SLC3A1: variants seen among roughly 807,000 people sequenced by gnomAD.
SLC3A1 encodes amino acid transporter heavy chain SLC3A1.
A neutral mutation model predicts 60.3 loss-of-function variants in SLC3A1; 78 were observed. The ratio of observed to expected loss-of-function variants is 1.29; its 90% CI spans 1.08 to 1.56. The LOEUF is 1.56. Among genes scored for constraint, SLC3A1 ranks in the 40% most tolerant of loss-of-function variants. The pLI is 0.00. For missense variants in SLC3A1, 1,172 were observed against 858.9 expected, an observed-to-expected ratio of 1.36 and a Z score of -4.56; for synonymous variants, 392 against 307.9, an observed-to-expected ratio of 1.27 and a Z score of -2.86.
rs547490151 is a variant in SLC3A1 at position 44,280,746 on chromosome 2, C to T, written c.461C>T (p.Ala154Val). 1 of 1,609,752 alleles carries T rather than the reference C, an allele frequency of 6.2e-7. No individual in the cohort carries two copies. Among genetic ancestry groups the T allele is most frequent in the East Asian group, 2.2e-5 (1 of 44,826 alleles). Residue 154 changes from alanine (A) to valine (V), a missense_variant, in exon 2 of 10, where the codon GCT (alanine) becomes GTT (valine). By Grantham distance (64) the Ala-to-Val change is moderately conservative (BLOSUM62 0). Coordinates refer to ENST00000260649, the MANE Select transcript of SLC3A1 (RefSeq NM_000341.4). Reference sequence around the variant, plus strand: ...CAAGATAAACTGGACTACATCACAGCTTTAAATATAAAAACTGTTTGGATT... The same window carrying T: ...CAAGATAAACTGGACTACATCACAGTTTTAAATATAAAAACTGTTTGGATT... ...GIQDKLDYIT[A>V]LNIKTVWITS...
At position 44,312,570 on chromosome 2, in the gene SLC3A1, AAT is replaced by A. The variant is rs757417071; in HGVS notation, c.1333-13_1333-12del. The A allele has an allele frequency of 1.2e-6, 2 of 1,613,622 alleles. No individual in the cohort carries two copies. The highest frequency in any genetic ancestry group is 4.5e-5 in the East Asian group (2 of 44,882). Reference sequence around the variant, plus strand: ...CTGTGTATACAGCTGTGTTCTTAAAAATATCTGCCTTTCAGATTGGTGGACCA... The same window carrying A: ...CTGTGTATACAGCTGTGTTCTTAAAAATCTGCCTTTCAGATTGGTGGACCA... On this transcript the variant is annotated splice_polypyrimidine_tract_variant and intron_variant, in intron 7 of 9. Transcript: ENST00000260649.
At chr2:44,297,121 C>A (rs1222975908) in intron 4 of SLC3A1, among the ~76,000 whole-genome samples, 1 of 152,174 alleles carries the variant, frequency 6.6e-6, no homozygotes, top group East Asian at 1.9e-4. Context: ...GGCTCTGTTT[C>A]CCTCCATAGG....
chr2:44,280,691 T>A (rs779003204), intron 1 of SLC3A1, 25 bp from the exon 2 acceptor site: 7 of 1,547,186 alleles, frequency 4.5e-6, no homozygotes, highest in Non-Finnish European at 6.2e-6. Flanking sequence ...TAGGGTTTAT[T>A]CATGACTTTG....
intron 7 of SLC3A1, among the ~76,000 whole-genome samples, chr2:44,310,953 C>G (rs1672281109): frequency 6.6e-6 from 1 of 152,128 alleles, no homozygotes; most frequent in African/African-American, 2.4e-5. Context: ...TGCCACCATG[C>G]CTGGCTAAAT....
chr2:44,279,751 C>G (rs991397141), intron 1 of SLC3A1, among the ~76,000 whole-genome samples: 1 of 151,584 alleles, frequency 6.6e-6, no homozygotes, highest in African/African-American at 2.4e-5. Context: ...TATTTTAAGA[C>G]GGGGTTTTAT....
chr2:44,299,407 C>G (rs1385287786), intron 4 of SLC3A1, among the ~76,000 whole-genome samples: 1 of 152,204 alleles, frequency 6.6e-6, no homozygotes, highest in African/African-American at 2.4e-5. Context: ...ACAGGATCGT[C>G]ACTATTCTTA....
chr2:44,275,676 C>T lies in SLC3A1; in HGVS notation c.141C>T (p.Ser47=), dbSNP rs760804638. The change falls in exon 1 of 10, where the codon AGC becomes AGT. Residue 47 remains serine, a synonymous_variant. Coordinates refer to ENST00000260649, the MANE Select transcript of SLC3A1 (RefSeq NM_000341.4). ...GCTCAACAGACAACCTGAAGCACAG[C>T]ACCAGGGGCATCCTTGGCTCCCAGG... ...PGSSTDNLKH[S]TRGILGSQEP... 1.9e-6 allele frequency: 3 copies of T among 1,614,206 alleles called. No individual in the cohort carries two copies. The highest frequency in any genetic ancestry group is 1.7e-6 in the Non-Finnish European group (2 of 1,180,020).
intron 4 of SLC3A1, among the ~76,000 whole-genome samples, chr2:44,297,692 C>T (rs943852411): frequency 6.6e-6 from 1 of 152,184 alleles, no homozygotes; most frequent in South Asian, 2.1e-4. Flanking sequence ...GTCATTCTTT[C>T]ATGCTACAAT....
Position 44,321,256 on chromosome 2 carries a change from T to G in SLC3A1, c.*617T>G, listed in dbSNP as rs941412015. The stretch of plus-strand genomic sequence containing the variant: ...AGCACATTTTAAAAAATTAATAACT[T>G]AAAAGTCTCAAGTTATTAATTTTTT... On this transcript the variant is annotated 3_prime_UTR_variant, in exon 10 of 10. Transcript: ENST00000260649. 1.1e-5 allele frequency: 12 copies of G among 1,052,924 alleles called. No homozygotes were observed. Among genetic ancestry groups the G allele is most frequent in the Non-Finnish European group, 1.7e-5 (12 of 723,936 alleles). The allele number at this position is 1,052,924 out of a possible 1,614,324, so 65.2% of individuals were successfully genotyped here.
At position 44,308,315 on chromosome 2, in the gene SLC3A1, T is replaced by A. The variant is rs78533224; in HGVS notation, c.1332+3977T>A. ...AACTTTGTTATTTTTCAAGATTGTT[T>A]TAGCTGTTCTGGGTACCTTATATTT... On this transcript the variant is annotated intron_variant, in intron 7 of 9. Transcript: ENST00000260649. Among the ~76,000 whole-genome samples, 400 of 152,330 alleles carry A rather than the reference T, an allele frequency of 2.6e-3. 1 individual carries two copies. The highest frequency in any genetic ancestry group is 9.0e-3 in the African/African-American group (375 of 41,588).
chr2:44,301,610 G>A (rs1355456399), intron 6 of SLC3A1, among the ~76,000 whole-genome samples: 1 of 151,616 alleles, frequency 6.6e-6, no homozygotes. Context: ...GTGGTGGTGG[G>A]TGCCTGTAAT....
At chr2:44,278,884 T>G (rs1032516882) in intron 1 of SLC3A1, among the ~76,000 whole-genome samples, 2 of 152,126 alleles carry the variant, frequency 1.3e-5, no homozygotes. Context: ...ACTCCTCAAA[T>G]ATTGGCACAA....
chr2:44,280,245 T>G (rs1671463066), intron 1 of SLC3A1, among the ~76,000 whole-genome samples: 1 of 152,068 alleles, frequency 6.6e-6, no homozygotes, highest in Non-Finnish European at 1.5e-5. Flanking sequence ...ATTTTCTCTT[T>G]CTTTTTTTTT....
chr2:44,280,726 T>A lies in SLC3A1; in HGVS notation c.441T>A (p.Asp147Glu). The change falls in exon 2 of 10, where the codon GAT becomes GAA. Residue 147 changes from aspartate to glutamate, a missense_variant. Physicochemically the swap from Asp to Glu is conservative, Grantham distance 45. Transcript: ENST00000260649. ...GACTTTTTTCTTCAGGTATTCAAGA[T>A]AAACTGGACTACATCACAGCTTTAA... ...DGNGDLKGIQ[D>E]KLDYITALNI... 1 of 1,608,858 alleles carries A rather than the reference T, an allele frequency of 6.2e-7. No homozygotes were observed. The highest frequency in any genetic ancestry group is 8.5e-7 in the Non-Finnish European group (1 of 1,175,330).
intron 3 of SLC3A1, among the ~76,000 whole-genome samples, chr2:44,281,812 C>A (rs116568931): frequency 6.6e-6 from 1 of 152,118 alleles, no homozygotes; most frequent in Admixed American, 6.6e-5. Context: ...ACTTCCTACC[C>A]GGTCCAACTT....
At chr2:44,312,307 T>C (rs1672317573) in intron 7 of SLC3A1, among the ~76,000 whole-genome samples, 2 of 152,210 alleles carry the variant, frequency 1.3e-5, no homozygotes, top group Non-Finnish European at 2.9e-5. Flanking sequence ...TATTCTCTTA[T>C]CCAAATATGA....
In SLC3A1 at chr2:44,304,245, C is replaced by T. The variant is rs1262789493; in HGVS notation, c.1239C>T (p.Leu413=). 3 of 1,613,950 alleles carry T rather than the reference C, an allele frequency of 1.9e-6. No individual in the cohort carries two copies. Among genetic ancestry groups the T allele is most frequent in the Admixed American group, 1.7e-5 (1 of 60,004 alleles). ...QEADFPFNNY[L]SMLDTVSGNS... is the part of the protein sequence containing the mutation. The stretch of plus-strand genomic sequence containing the variant: ...CTGATTTTCCCTTCAACAATTACCT[C>T]AGCATGCTAGACACTGTTTCTGGGA... The change falls in exon 7 of 10, where the codon CTC becomes CTT. Residue 413 remains leucine, a synonymous_variant. Coordinates refer to ENST00000260649, the MANE Select transcript of SLC3A1 (RefSeq NM_000341.4).
chr2:44,277,084 T>C (rs1671360521), intron 1 of SLC3A1, among the ~76,000 whole-genome samples: 3 of 136,354 alleles, frequency 2.2e-5, no homozygotes, highest in Non-Finnish European at 3.2e-5. Flanking sequence ...TTTTTCACGC[T>C]CCTATCATTC....
intron 6 of SLC3A1, 73 bp downstream of exon 6, chr2:44,301,200 G>A: frequency 6.3e-7 from 1 of 1,584,398 alleles, no homozygotes; most frequent in Non-Finnish European, 8.7e-7. Flanking sequence ...TCACAACCAA[G>A]TGTATTTGGA....
Sources: gnomAD v4.1 joint callset for allele counts (sites outside exome capture counted in the v4.1 genomes callset) on GRCh38, gnomAD v4.1.1 for gene constraint, MANE v1.5 for transcripts, NCBI Gene and HGNC (gene_info 2026-07-23, HGNC 2026-07-21) for gene names.